Variants in PAK1IP1 observed in about 807,000 individuals in gnomAD.
The protein encoded by PAK1IP1 is PAK1 interacting protein 1.
PAK1IP1 carries 24 observed loss-of-function variants against 42.0 expected under a neutral mutation model. The ratio of observed to expected loss-of-function variants is 0.57; its 90% confidence interval spans 0.41 to 0.80. PAK1IP1 has a LOEUF of 0.80. Among genes scored for constraint, PAK1IP1 ranks in the 30% least tolerant of loss-of-function variants. The pLI is 0.00. For synonymous variants in PAK1IP1, 154 were observed against 156.7 expected, an observed-to-expected ratio of 0.98 and a Z score of 0.13; for missense variants, 411 against 467.9, an observed-to-expected ratio of 0.88 and a Z score of 1.12.
At position 10,707,480 on chromosome 6, in the gene PAK1IP1, G is replaced by A. The variant is rs1770239156; in HGVS notation, c.806G>A (p.Gly269Asp). Reference sequence around the variant, plus strand: ...GTTATTGTTTCAGCATCGAGTGATGGTTTCATCAAAATGTGGAAGCTTAAG... The same window carrying A: ...GTTATTGTTTCAGCATCGAGTGATGATTTCATCAAAATGTGGAAGCTTAAG... ...HHVIVSASSD[G>D]FIKMWKLKQD... The change falls in exon 8 of 10, where the codon GGT becomes GAT. Residue 269 changes from glycine to aspartate, a missense_variant. By Grantham distance (94) the Gly-to-Asp change is moderately conservative. Transcript: ENST00000379568. 1 of 1,610,214 alleles carries A rather than the reference G, an allele frequency of 6.2e-7. No homozygotes were observed. The highest frequency in any genetic ancestry group is 8.5e-7 in the Non-Finnish European group (1 of 1,176,404).
upstream of PAK1IP1, chr6:10,694,598 A>ATGATGTGT: frequency 1.2e-5 from 2 of 172,166 alleles, no homozygotes; most frequent in Admixed American, 6.1e-5. Context: ...TACAGCCCCT[A>ATGATGTGT]AGCAACCGGC....
At position 10,697,357 on chromosome 6, in the gene PAK1IP1, G is replaced by A; in HGVS notation, c.118G>A (p.Ala40Thr). The change falls in exon 2 of 10, where the codon GCT becomes ACT. Residue 40 changes from alanine to threonine, a missense_variant. Coordinates refer to ENST00000379568, the MANE Select transcript of PAK1IP1 (RefSeq NM_017906.3). ...TCTTGTGGCTGACTTCACTCACCAT[G>A]CTCACACTGCCTCCTTGTCAGCAGT... Reference protein sequence around the residue: ...WTLVADFTHHAHTASLSAVAV... With the variant: ...WTLVADFTHHTHTASLSAVAV... 1 of 1,613,984 alleles carries A rather than the reference G, an allele frequency of 6.2e-7. No individual in the cohort carries two copies. Among genetic ancestry groups the A allele is most frequent in the Non-Finnish European group, 8.5e-7 (1 of 1,179,946 alleles).
At chr6:10,700,504 G>T (rs1013154958) in intron 2 of PAK1IP1, among the ~76,000 whole-genome samples, 1 of 152,170 alleles carries the variant, frequency 6.6e-6, no homozygotes, top group African/African-American at 2.4e-5. Flanking sequence ...AATTTTGGGG[G>T]ACACTTTCAC....
chr6:10,697,621 T>A, intron 2 of PAK1IP1, 135 bp downstream of exon 2: 1 of 716,864 alleles, frequency 1.4e-6, no homozygotes, highest in Non-Finnish European at 2.2e-6. Flanking sequence ...AAAAAATGGT[T>A]TCTTAGCCTG....
At chr6:10,702,982 T>G (rs1340084028) in intron 4 of PAK1IP1, among the ~76,000 whole-genome samples, 1 of 151,992 alleles carries the variant, frequency 6.6e-6, no homozygotes, top group Non-Finnish European at 1.5e-5. Context: ...ATTTTTTGTA[T>G]TTTTAGTAGA....
chr6:10,706,902 A>G (rs1175006218), intron 7 of PAK1IP1, among the ~76,000 whole-genome samples: 1 of 151,986 alleles, frequency 6.6e-6, no homozygotes, highest in Non-Finnish European at 1.5e-5. Context: ...AAAAAAAAAA[A>G]AAAGAAAAAG....
chr6:10,695,408 T>G (rs1769780154), intron 1 of PAK1IP1, among the ~76,000 whole-genome samples: 1 of 152,208 alleles, frequency 6.6e-6, no homozygotes, highest in African/African-American at 2.4e-5. Flanking sequence ...GATCTCGCTC[T>G]TTTGCTGAAT....
chr6:10,697,413 G>A lies in PAK1IP1; in HGVS notation c.174G>A (p.Gly58=), dbSNP rs1769890783. 2 of 1,613,958 alleles carry A rather than the reference G, an allele frequency of 1.2e-6. No individual in the cohort carries two copies. The highest frequency in any genetic ancestry group is 1.3e-5 in the African/African-American group (1 of 75,014). ...TAAATAGTCGTTTTGTGGTCACTGG[G>A]AGCAAAGATGAAACAATTCACATTT... is the stretch of plus-strand genomic sequence containing the variant. ...VAVNSRFVVT[G]SKDETIHIYD... is the part of the protein sequence containing the mutation. The change falls in exon 2 of 10, where the codon GGG becomes GGA. Residue 58 remains glycine (G), a synonymous_variant. Coordinates refer to ENST00000379568, the MANE Select transcript of PAK1IP1 (RefSeq NM_017906.3).
chr6:10,703,160 G>A (rs1187203222), intron 4 of PAK1IP1, among the ~76,000 whole-genome samples: 2 of 152,084 alleles, frequency 1.3e-5, no homozygotes. Flanking sequence ...GCTGTGAATT[G>A]AAGATTTTAG....
At chr6:10,692,043 A>G (rs9467246), upstream of PAK1IP1, among the ~76,000 whole-genome samples, 5,530 of 152,294 alleles carry the variant, frequency 0.036, 325 homozygotes, top group African/African-American at 0.12. Flanking sequence ...AGTGTATTAA[A>G]CAAGTATTAA....
At chr6:10,693,299 G>A (rs10946708), upstream of PAK1IP1, among the ~76,000 whole-genome samples, 2,442 of 152,302 alleles carry the variant, frequency 0.016, 50 homozygotes, top group African/African-American at 0.045. Flanking sequence ...ATCTGCAATT[G>A]AGCACCCTTT....
intron 2 of PAK1IP1, 140 bp downstream of exon 2, chr6:10,697,626 AGCCTG>A: frequency 1.5e-6 from 1 of 677,772 alleles, no homozygotes; most frequent in Non-Finnish European, 2.4e-6. Flanking sequence ...ATGGTTTCTT[AGCCTG>A]GCACAATGGC....
At chr6:10,704,902 T>C (rs1770153775) in intron 7 of PAK1IP1, 58 bp downstream of exon 7, 1 of 1,014,180 alleles carries the variant, frequency 9.9e-7, no homozygotes, top group East Asian at 2.4e-5. Flanking sequence ...ATATATGCAG[T>C]AGTTTCATAA....
upstream of PAK1IP1, among the ~76,000 whole-genome samples, chr6:10,692,320 C>CGTGA (rs1455599238): frequency 6.6e-6 from 1 of 152,208 alleles, no homozygotes; most frequent in Admixed American, 6.5e-5. Context: ...ACTTACTTCA[C>CGTGA]ACTCCTCTAA....
At chr6:10,703,344 C>T in intron 4 of PAK1IP1, 61 bp from the exon 5 acceptor site, 1 of 1,263,540 alleles carries the variant, frequency 7.9e-7, no homozygotes, top group Non-Finnish European at 1.1e-6. Flanking sequence ...TATGCTTGTT[C>T]TTTTACGCTT....
chr6:10,702,520 C>T (rs796471222), intron 3 of PAK1IP1, 31 bp downstream of exon 3: 11 of 1,613,814 alleles, frequency 6.8e-6, no homozygotes, highest in African/African-American at 2.7e-5. Context: ...TTGGCATTCT[C>T]GATGTGCCAG....
intron 8 of PAK1IP1, among the ~76,000 whole-genome samples, chr6:10,708,264 C>T (rs769838719): frequency 1.3e-5 from 2 of 150,080 alleles, no homozygotes; most frequent in Admixed American, 6.7e-5. Flanking sequence ...CTATTCTGGA[C>T]ATTTCATATA....
intron 2 of PAK1IP1, among the ~76,000 whole-genome samples, chr6:10,701,455 T>C (rs900667954): frequency 3.3e-5 from 5 of 152,358 alleles, no homozygotes; most frequent in East Asian, 1.9e-4. Context: ...GCAAAGGACA[T>C]GATCTCATTC....
chr6:10,695,027 G>C lies in PAK1IP1; in HGVS notation c.42G>C (p.Gly14=). ...VAGCYEQVLF[G]FAVHPEPEAC... Reference sequence around the variant, plus strand: ...GTTGCTACGAGCAGGTCCTCTTTGGGTTCGCTGTACACCCGGAGCCCGAGG... The same window carrying C: ...GTTGCTACGAGCAGGTCCTCTTTGGCTTCGCTGTACACCCGGAGCCCGAGG... The change falls in exon 1 of 10, where the codon GGG becomes GGC. Residue 14 remains glycine, a synonymous_variant. Coordinates refer to ENST00000379568, the MANE Select transcript of PAK1IP1 (RefSeq NM_017906.3). The C allele has an allele frequency of 1.2e-6, 2 of 1,603,204 alleles. No homozygotes were observed. The highest frequency in any genetic ancestry group is 1.7e-6 in the Non-Finnish European group (2 of 1,179,718).
Sources: allele counts gnomAD v4.1 joint callset (sites outside exome capture counted in the v4.1 genomes callset), GRCh38; gene constraint gnomAD v4.1.1; transcripts MANE v1.5; gene names NCBI Gene and HGNC (gene_info 2026-07-23, HGNC 2026-07-21).